ST6GAL1: variants seen among roughly 807,000 people sequenced by gnomAD.
ST6GAL1 encodes the protein ST6 beta-galactoside alpha-2,6-sialyltransferase 1.
A neutral mutation model predicts 38.0 loss-of-function variants in ST6GAL1; 20 were observed. That is an observed-to-expected ratio of 0.53 (90% confidence interval 0.37 to 0.77). ST6GAL1 has a LOEUF of 0.77. ST6GAL1 is among the 30% of genes least tolerant of loss of function. ST6GAL1 has a pLI of 0.00. For missense variants in ST6GAL1, 432 were observed against 496.4 expected (o/e 0.87, Z 1.23); for synonymous variants, 196 against 188.2 (o/e 1.04, Z -0.34).
At chr3:186,969,454 T>C (rs907867658) in intron 2 of ST6GAL1, among the ~76,000 whole-genome samples, 4 of 152,252 alleles carry the variant, frequency 2.6e-5, no homozygotes, top group Non-Finnish European at 5.9e-5. Context: ...ATGTGCTTTG[T>C]TTGCCACCTG....
At chr3:187,014,042 C>T (rs1248130306) in intron 2 of ST6GAL1, among the ~76,000 whole-genome samples, 1 of 152,214 alleles carries the variant, frequency 6.6e-6, no homozygotes, top group Non-Finnish European at 1.5e-5. Flanking sequence ...TCTGACCCTC[C>T]TCCCCTGCTT....
At chr3:186,939,755 A>G (rs1421826429) in intron 1 of ST6GAL1, among the ~76,000 whole-genome samples, 1 of 152,162 alleles carries the variant, frequency 6.6e-6, no homozygotes, top group East Asian at 1.9e-4. Context: ...CATGCCGAAG[A>G]TGTGGTGGTA....
In ST6GAL1 at chr3:187,038,727, TTTTTG is replaced by T. The variant is rs1455835330; in HGVS notation, c.-182-14_-182-10del. On this transcript the variant is annotated splice_polypyrimidine_tract_variant and intron_variant, in intron 2 of 7. Transcript: ENST00000169298. ...CACCTCCTCTCTTTCTGTCTCTTAT[TTTTTG>T]CCTTTGCAGATGAGTTTTGATCATC... The T allele has an allele frequency of 6.6e-6, 1 of 152,248 alleles. No homozygotes were observed. The highest frequency in any genetic ancestry group is 2.4e-5 in the African/African-American group (1 of 41,438). The allele number at this position is 152,248 out of a possible 1,614,324, so 9.4% of individuals were successfully genotyped here.
intron 1 of ST6GAL1, among the ~76,000 whole-genome samples, chr3:186,960,885 A>G (rs1579273253): frequency 1.3e-5 from 2 of 148,600 alleles, no homozygotes; most frequent in Non-Finnish European, 3.0e-5. Context: ...TGTCCTGTCT[A>G]CCTCTCCCAG....
rs1719597406 is a variant in ST6GAL1, at chr3:187,077,355, G to A, written c.*1552G>A. 2 of 170,716 alleles carry A rather than the reference G, an allele frequency of 1.2e-5. No individual in the cohort carries two copies. The highest frequency in any genetic ancestry group is 6.3e-5 in the Admixed American group (1 of 15,758). The allele number at this position is 170,716 out of a possible 1,614,324, so 10.6% of individuals were successfully genotyped here. ...TAAAAGACTTGCACAGGATCACCAA[G>A]TCATGCTGTAGAGCCAGGATTCCTA... On this transcript the variant is annotated 3_prime_UTR_variant, in exon 8 of 8. Coordinates refer to ENST00000169298, the MANE Select transcript of ST6GAL1 (RefSeq NM_173216.2).
chr3:187,058,301 C>G (rs1472299613), intron 5 of ST6GAL1, among the ~76,000 whole-genome samples: 1 of 152,178 alleles, frequency 6.6e-6, no homozygotes, highest in Non-Finnish European at 1.5e-5. Context: ...ATGGGTTGCA[C>G]CCACTGTCCA....
At chr3:187,016,878 A>G (rs1377829518) in intron 2 of ST6GAL1, among the ~76,000 whole-genome samples, 1 of 152,204 alleles carries the variant, frequency 6.6e-6, no homozygotes. Flanking sequence ...ACAAGACAAG[A>G]TCACCACGTG....
At chr3:187,018,135 C>T (rs1717177443) in intron 2 of ST6GAL1, among the ~76,000 whole-genome samples, 1 of 152,142 alleles carries the variant, frequency 6.6e-6, no homozygotes, top group African/African-American at 2.4e-5. Context: ...GATGGAGAGG[C>T]AGGCTGGTAT....
chr3:187,037,779 A>G (rs961397124), intron 2 of ST6GAL1, among the ~76,000 whole-genome samples: 3 of 152,076 alleles, frequency 2.0e-5, no homozygotes, highest in African/African-American at 7.2e-5. Context: ...ACTTTTGTAC[A>G]TTTTTTCAAA....
At chr3:186,982,857 T>C (rs1421337709) in intron 2 of ST6GAL1, among the ~76,000 whole-genome samples, 6 of 150,286 alleles carry the variant, frequency 4.0e-5, no homozygotes, top group Non-Finnish European at 8.9e-5. Context: ...AATTTTTTTA[T>C]TTTTAGTAGA....
chr3:186,984,418 A>C (rs1715795530), intron 2 of ST6GAL1, among the ~76,000 whole-genome samples: 1 of 152,100 alleles, frequency 6.6e-6, no homozygotes, highest in African/African-American at 2.4e-5. Context: ...GTTCTTGCCA[A>C]GACCTCAAAG....
At chr3:187,070,044 A>G (rs1229152986) in intron 5 of ST6GAL1, among the ~76,000 whole-genome samples, 2 of 152,192 alleles carry the variant, frequency 1.3e-5, no homozygotes, top group African/African-American at 2.4e-5. Flanking sequence ...AGCTCCAGCC[A>G]TCACATCCAC....
intron 2 of ST6GAL1, among the ~76,000 whole-genome samples, chr3:187,014,712 C>T (rs1205792189): frequency 6.6e-6 from 1 of 152,176 alleles, no homozygotes; most frequent in Non-Finnish European, 1.5e-5. Context: ...CTCCCATTTG[C>T]GGTTCCTTCA....
intron 1 of ST6GAL1, among the ~76,000 whole-genome samples, chr3:186,954,138 A>G (rs1324678390): frequency 2.6e-5 from 4 of 152,174 alleles, no homozygotes; most frequent in African/African-American, 9.7e-5. Flanking sequence ...AGCTCCATCC[A>G]TGTCCCTGCA....
In ST6GAL1 at chr3:187,077,512, G is replaced by C. The variant is rs1026905045; in HGVS notation, c.*1709G>C. 6.6e-6 allele frequency: 1 copy of C among 152,398 alleles called. No individual in the cohort carries two copies. Among genetic ancestry groups the C allele is most frequent in the Admixed American group, 6.5e-5 (1 of 15,288 alleles). 9.4% of individuals were successfully genotyped at this position (152,398 alleles called of 1,614,324 possible). On this transcript the variant is annotated 3_prime_UTR_variant, in exon 8 of 8. Coordinates refer to ENST00000169298, the MANE Select transcript of ST6GAL1 (RefSeq NM_173216.2). The stretch of plus-strand genomic sequence containing the variant: ...ACCCTCAGCTTATGTAGCTAGAAAG[G>C]GCCCTGGAGTGAGAAAGCCTGGATT...
At chr3:186,970,063 T>C (rs757226718) in intron 2 of ST6GAL1, among the ~76,000 whole-genome samples, 5 of 152,164 alleles carry the variant, frequency 3.3e-5, no homozygotes, top group Non-Finnish European at 5.9e-5. Context: ...TAGTTTCTTG[T>C]TTCTTCTTAC....
intron 1 of ST6GAL1, among the ~76,000 whole-genome samples, chr3:186,960,741 A>C (rs192990292): frequency 8.6e-5 from 13 of 151,460 alleles, no homozygotes; most frequent in Non-Finnish European, 1.5e-4. Flanking sequence ...CTGTCAGTAG[A>C]TTTTTGTTTC....
At chr3:187,062,417 C>T (rs1228505563) in intron 5 of ST6GAL1, among the ~76,000 whole-genome samples, 1 of 152,136 alleles carries the variant, frequency 6.6e-6, no homozygotes, top group Non-Finnish European at 1.5e-5. Context: ...AATAGCTGGA[C>T]TGCAGAAGGA....
intron 2 of ST6GAL1, chr3:186,996,478 A>G (rs1716412515): frequency 6.6e-6 from 1 of 152,178 alleles, no homozygotes; most frequent in Admixed American, 6.5e-5. Flanking sequence ...GGAACAGCAT[A>G]CTGTGAGACA....
Sources: gnomAD v4.1 joint callset for allele counts (sites outside exome capture counted in the v4.1 genomes callset) on GRCh38, gnomAD v4.1.1 for gene constraint, MANE v1.5 for transcripts, NCBI Gene and HGNC (gene_info 2026-07-23, HGNC 2026-07-21) for gene names.